The following RYR2 variants were observed in gnomAD, a reference collection of about 807,000 sequenced individuals.
RYR2 encodes the protein ryanodine receptor 2.
RYR2 carries 227 observed loss-of-function variants against 601.1 expected under a neutral mutation model. That is an observed-to-expected ratio of 0.38 (90% CI 0.34 to 0.42). The LOEUF (loss-of-function observed/expected upper bound fraction) is 0.42, where lower values mean the gene tolerates loss of function less well. Ranked by LOEUF, RYR2 falls within the 10% of genes least tolerant of loss-of-function variation. The pLI, the probability that RYR2 is intolerant of heterozygous loss-of-function variation, is 1.00. For synonymous variants in RYR2, 2,223 were observed against 2,175.1 expected (o/e 1.02, Z -0.61); for missense variants, 4,646 against 6,156.5 (o/e 0.75, Z 8.21).
At chr1:237,271,606 G>T (rs142635102) in intron 2 of RYR2, among the ~76,000 whole-genome samples, 116 of 152,174 alleles carry the variant, frequency 7.6e-4, no homozygotes, top group African/African-American at 2.6e-3. Context: ...TATCAAAAAG[G>T]CATAGTTTTT....
chr1:237,645,847 T>C (rs1465412979), intron 48 of RYR2, among the ~76,000 whole-genome samples: 1 of 152,000 alleles, frequency 6.6e-6, no homozygotes, highest in East Asian at 1.9e-4. Context: ...ACACAATCCA[T>C]TGGTATTTGT....
intron 10 of RYR2, among the ~76,000 whole-genome samples, chr1:237,403,376 T>C (rs149683124): frequency 2.6e-5 from 4 of 152,288 alleles, no homozygotes; most frequent in African/African-American, 9.6e-5. Flanking sequence ...TAAAAGTGCT[T>C]AAAGAAAATA....
chr1:237,073,398 G>A (rs1664622575), intron 1 of RYR2, among the ~76,000 whole-genome samples: 1 of 152,130 alleles, frequency 6.6e-6, no homozygotes. Context: ...TCACTGTCCT[G>A]CTCTGCATTT....
chr1:237,304,813 C>A (rs1345453601), intron 2 of RYR2, among the ~76,000 whole-genome samples: 1 of 152,004 alleles, frequency 6.6e-6, no homozygotes, highest in Non-Finnish European at 1.5e-5. Context: ...TTGTTACTTA[C>A]CAAAACATAC....
chr1:237,539,409 A>C (rs10925451), intron 25 of RYR2, among the ~76,000 whole-genome samples: 2 of 152,140 alleles, frequency 1.3e-5, no homozygotes, highest in Non-Finnish European at 2.9e-5. Context: ...TAACCTTTTC[A>C]TAGCCCACAA....
intron 1 of RYR2, among the ~76,000 whole-genome samples, chr1:237,141,370 G>T (rs1443401499): frequency 1.3e-5 from 2 of 152,142 alleles, no homozygotes; most frequent in Admixed American, 6.5e-5. Flanking sequence ...AATGATGGTT[G>T]AATTTTTTCA....
In RYR2 at chr1:237,628,060, G is replaced by A. The variant is rs2148667663; in HGVS notation, c.6420G>A (p.Lys2140=). 6.2e-7 allele frequency: 1 copy of A among 1,613,782 alleles called. No individual in the cohort carries two copies. The highest frequency in any genetic ancestry group is 8.5e-7 in the Non-Finnish European group (1 of 1,179,824). Residue 2140 remains lysine, a synonymous_variant, in exon 41 of 105, where the codon AAG becomes AAA. Transcript: ENST00000366574. ...TGAGAATGGGCAAAGAAGAAGAGAA[G>A]CTCATGATTCGTGGATTAGGGTAAA... The part of the protein sequence containing the change: ...LSVRMGKEEE[K]LMIRGLGDIM...
intron 78 of RYR2, 31 bp from the exon 79 acceptor site, chr1:237,733,674 A>G: frequency 6.5e-7 from 1 of 1,540,466 alleles, no homozygotes. Flanking sequence ...CTTCTGCTTA[A>G]ACACTGATGT....
intron 41 of RYR2, 71 bp downstream of exon 41, chr1:237,628,151 C>T (rs1475546551): frequency 2.1e-6 from 3 of 1,451,140 alleles, no homozygotes; most frequent in Non-Finnish European, 2.8e-6. Flanking sequence ...TAGAGCAGTA[C>T]ATTAACTACA....
intron 28 of RYR2, 104 bp from the exon 29 acceptor site, chr1:237,569,041 T>G: frequency 4.3e-6 from 4 of 931,260 alleles, no homozygotes; most frequent in Non-Finnish European, 6.3e-6. Context: ...TCTCCTACTG[T>G]TGTGTTGATA....
At chr1:237,724,454 G>A (rs547689843) in intron 74 of RYR2, among the ~76,000 whole-genome samples, 3 of 151,230 alleles carry the variant, frequency 2.0e-5, no homozygotes, top group Non-Finnish European at 2.9e-5. Context: ...TCCCCCAAAC[G>A]TTAATAATTT....
intron 48 of RYR2, among the ~76,000 whole-genome samples, 172 bp downstream of exon 48, chr1:237,643,619 CT>C (rs113722212): frequency 2.2e-4 from 33 of 147,382 alleles, no homozygotes; most frequent in Admixed American, 1.3e-4. Context: ...TAATTTTTTC[CT>C]TTTTTTTTTT....
chr1:237,155,301 AAGT>A (rs1238208353), intron 1 of RYR2, among the ~76,000 whole-genome samples: 2 of 149,276 alleles, frequency 1.3e-5, no homozygotes, highest in Non-Finnish European at 3.0e-5. Flanking sequence ...TCAGCCTCCC[AAGT>A]AGCTGGGACT....
At position 237,669,483 on chromosome 1, in the gene RYR2, G is replaced by C. The variant is rs577931406; in HGVS notation, c.8590+1525G>C. Among the ~76,000 whole-genome samples the C allele has an allele frequency of 6.8e-5, 10 of 147,256 alleles. No individual in the cohort carries two copies. The South Asian group carries it at 2.2e-3, about 33-fold the overall frequency. On this transcript the variant is annotated intron_variant, in intron 58 of 104. Transcript: ENST00000366574. ...CAGAGGCGCCCCTCACCTCCCGGAC[G>C]GGGCGGCTGGCCGGGCGGGGGGCTG...
At chr1:237,452,095 G>GTA (rs1447156138) in intron 14 of RYR2, among the ~76,000 whole-genome samples, 70,404 of 146,966 alleles carry the variant, frequency 0.48, 18,042 homozygotes, top group East Asian at 0.64. Context: ...GTGTGTGTGT[G>GTA]TGTGTGTGTG....
intron 12 of RYR2, among the ~76,000 whole-genome samples, chr1:237,435,974 G>A (rs1707311873): frequency 6.6e-6 from 1 of 152,144 alleles, no homozygotes; most frequent in Non-Finnish European, 1.5e-5. Flanking sequence ...GAATCCTTAG[G>A]CATGGGCTGA....
rs1287712794 is a variant in RYR2 at position 237,441,398 on chromosome 1, A to G, written c.1085A>G (p.Tyr362Cys). 1.2e-6 allele frequency: 2 copies of G among 1,613,658 alleles called. No individual in the cohort carries two copies. Among genetic ancestry groups the G allele is most frequent in the Non-Finnish European group, 1.7e-6 (2 of 1,179,718 alleles). ...SEIKYGDSVC[Y>C]IQHVDTGLWL... ...ATAAAATACGGTGACTCAGTATGCT[A>G]TATACAACATGTAGACACAGGCCTA... The change falls in exon 13 of 105, where the codon TAT (tyrosine) becomes TGT (cysteine). Residue 362 changes from tyrosine (Y) to cysteine (C), a missense_variant. Tyr to Cys is a radical substitution (Grantham distance 194). This residue lies in a region of RYR2 where 1,807 missense variants were observed against 2,088.1 expected (regional missense o/e 0.87). Coordinates refer to ENST00000366574, the MANE Select transcript of RYR2 (RefSeq NM_001035.3).
intron 76 of RYR2, among the ~76,000 whole-genome samples, 174 bp downstream of exon 76, chr1:237,727,373 T>C (rs560160016): frequency 6.6e-6 from 1 of 152,308 alleles, no homozygotes; most frequent in South Asian, 2.1e-4. Flanking sequence ...CGGAGAACTG[T>C]GGTCTTTAAT....
chr1:237,048,598 T>C (rs1434071137), intron 1 of RYR2, among the ~76,000 whole-genome samples: 5 of 152,202 alleles, frequency 3.3e-5, no homozygotes, highest in Admixed American at 6.5e-5. Flanking sequence ...ATGCTTTTCA[T>C]CCTACACAGA....
Sources: gnomAD v4.1 joint callset for allele counts (sites outside exome capture counted in the v4.1 genomes callset) on GRCh38, gnomAD v4.1.1 for gene constraint, gnomAD v4.1.1 regional missense constraint, MANE v1.5 for transcripts, NCBI Gene and HGNC (gene_info 2026-07-23, HGNC 2026-07-21) for gene names.